DNHD1: variants seen among roughly 807,000 people sequenced by gnomAD.
DNHD1 encodes the protein dynein heavy chain domain 1, also known as dynein heavy chain domain-containing protein 1.
Under a neutral mutation model 458.1 loss-of-function variants are expected in DNHD1, and 383 were observed. That is an observed-to-expected ratio of 0.84 (90% CI 0.77 to 0.91). The LOEUF (loss-of-function observed/expected upper bound fraction) is 0.91. Ranked by LOEUF, DNHD1 falls within the 40% of genes least tolerant of loss-of-function variation. DNHD1 has a pLI of 0.00. For missense variants in DNHD1, 5,336 were observed against 5,866.1 expected (o/e 0.91, Z 2.95); for synonymous variants, 2,203 against 2,376.9 (o/e 0.93, Z 2.13).
At chr11:6,569,279 C>T (rs528838377) in intron 39 of DNHD1, among the ~76,000 whole-genome samples, 11 of 152,104 alleles carry the variant, frequency 7.2e-5, no homozygotes, top group African/African-American at 2.7e-4. Flanking sequence ...GTCAGGAGAT[C>T]GTGACCATCC....
Position 6,566,259 on chromosome 11 carries a change from C to G in DNHD1, c.11072C>G (p.Thr3691Ser). 1 of 1,551,664 alleles carries G rather than the reference C, an allele frequency of 6.4e-7. No individual in the cohort carries two copies. Among genetic ancestry groups the G allele is most frequent in the East Asian group, 2.4e-5 (1 of 40,904 alleles). Residue 3691 changes from threonine (T) to serine (S), a missense_variant, in exon 34 of 43, where the codon ACC becomes AGC. Physicochemically the swap from Thr to Ser is moderately conservative, Grantham distance 58 (BLOSUM62 1). Transcript: ENST00000254579. Reference sequence around the variant, plus strand: ...CTCACAGGCCTGCCTGTGTTACTGACCAATGTGGAGCTGGGTCTAGGGTGC... The same window carrying G: ...CTCACAGGCCTGCCTGTGTTACTGAGCAATGTGGAGCTGGGTCTAGGGTGC... The part of the protein sequence containing the change: ...AAACGLPVLL[T>S]NVELGLGCEE...
At position 6,558,573 on chromosome 11, in the gene DNHD1, C is replaced by T. The variant is rs1290456096; in HGVS notation, c.9091C>T (p.Leu3031=). The T allele has an allele frequency of 6.4e-7, 1 of 1,551,650 alleles. No individual in the cohort carries two copies. The highest frequency in any genetic ancestry group is 1.4e-5 in the African/African-American group (1 of 73,058). ...AHKQLPSTLF[L]RLLQLATASI... is the part of the protein sequence containing the mutation. ...CAAGCAGCTGCCCTCCACCCTTTTC[C>T]TGAGGCTCCTTCAACTGGCCACTGC... Residue 3031 remains leucine (L), a synonymous_variant, in exon 26 of 43, where the codon CTG becomes TTG. Coordinates refer to ENST00000254579, the MANE Select transcript of DNHD1 (RefSeq NM_144666.3).
Position 6,519,948 on chromosome 11 carries a change from G to T in DNHD1, c.1648-17G>T. The T allele has an allele frequency of 6.2e-7, 1 of 1,614,034 alleles. No individual in the cohort carries two copies. Among genetic ancestry groups the T allele is most frequent in the Non-Finnish European group, 8.5e-7 (1 of 1,179,968 alleles). On this transcript the variant is annotated splice_polypyrimidine_tract_variant and intron_variant, in intron 8 of 42. Transcript: ENST00000254579. ...GACATCTAGCCCCTCGACCTTTCCT[G>T]ACCCTTTTTTTTACAGGCCCCAAGG...
In DNHD1 at chr11:6,528,735, A is replaced by C. The variant is rs776616799; in HGVS notation, c.2051A>C (p.Asp684Ala). The C allele has an allele frequency of 3.9e-6, 6 of 1,551,752 alleles. No individual in the cohort carries two copies. The South Asian group carries it at 4.8e-5, about 12-fold the overall frequency. Residue 684 changes from aspartate (D) to alanine (A), a missense_variant, in exon 11 of 43, where the codon GAC (aspartate) becomes GCC (alanine). Asp to Ala is a moderately radical substitution (Grantham distance 126). Coordinates refer to ENST00000254579, the MANE Select transcript of DNHD1 (RefSeq NM_144666.3). The part of the protein sequence containing the change: ...HNYKQLEEDL[D>A]NNPKIQQALN... ...TATAAGCAGCTGGAGGAAGACCTGG[A>C]CAACAACCCTAAGATCCAGCAGGCA...
Position 6,509,200 on chromosome 11 carries a change from T to G in DNHD1, c.1163T>G (p.Leu388Arg), listed in dbSNP as rs1291189610. 1.2e-6 allele frequency: 2 copies of G among 1,614,092 alleles called. No individual in the cohort carries two copies. The highest frequency in any genetic ancestry group is 1.7e-6 in the Non-Finnish European group (2 of 1,180,038). Residue 388 changes from leucine to arginine, a missense_variant, in exon 6 of 43, where the codon CTC (leucine) becomes CGC (arginine). Around this residue, in one of 4 missense-constraint regions of DNHD1, gnomAD observed 3,932 missense variants for 4,365.6 expected, o/e 0.90. Transcript: ENST00000254579. ...KNVRLQGLHR[L>R]QKFLENHLLL... Reference sequence around the variant, plus strand: ...GTGAGATTACAGGGGCTGCATCGACTCCAGAAATTCCTAGAGAATCATCTG... The same window carrying G: ...GTGAGATTACAGGGGCTGCATCGACGCCAGAAATTCCTAGAGAATCATCTG...
Position 6,566,927 on chromosome 11 carries a change from T to C in DNHD1, c.11418T>C (p.Asn3806=). 6.2e-7 allele frequency: 1 copy of C among 1,613,356 alleles called. No individual in the cohort carries two copies. The highest frequency in any genetic ancestry group is 1.7e-5 in the Admixed American group (1 of 59,936). ...TGCTGACGATGCTGCTGTTCCAGAATCCGAAGCGTCAGAAGCCAGCCAAGT... is the reference window on the plus strand; with the variant it reads ...TGCTGACGATGCTGCTGTTCCAGAACCCGAAGCGTCAGAAGCCAGCCAAGT... ...ERLLTMLLFQ[N]PKRQKPAKFL... The change falls in exon 36 of 43, where the codon AAT becomes AAC. Residue 3806 remains asparagine, a synonymous_variant. Coordinates refer to ENST00000254579, the MANE Select transcript of DNHD1 (RefSeq NM_144666.3).
rs1302722446 is a variant in DNHD1 at position 6,563,509 on chromosome 11, A to G, written c.9797A>G (p.His3266Arg). 4.5e-6 allele frequency: 7 copies of G among 1,551,732 alleles called. No individual in the cohort carries two copies. Among genetic ancestry groups the G allele is most frequent in the Non-Finnish European group, 6.1e-6 (7 of 1,146,990 alleles). ...VTDAMCDLFHHETGWASAKQL... is the reference protein window; with the variant it reads ...VTDAMCDLFHRETGWASAKQL... ...GATGCAATGTGTGACTTGTTCCACC[A>G]TGAAACAGGCTGGGCCAGTGCCAAA... Residue 3266 changes from histidine to arginine, a missense_variant, in exon 30 of 43, where the codon CAT (histidine) becomes CGT (arginine). This residue lies in a region of DNHD1 where 3,932 missense variants were observed against 4,365.6 expected (regional missense o/e 0.90). Coordinates refer to ENST00000254579, the MANE Select transcript of DNHD1 (RefSeq NM_144666.3).
chr11:6,500,153 C>T (rs543784031), intron 3 of DNHD1, among the ~76,000 whole-genome samples: 4 of 151,968 alleles, frequency 2.6e-5, no homozygotes, highest in Non-Finnish European at 5.9e-5. Context: ...TCAGTAGAGA[C>T]AGTGTTTCGC....
chr11:6,547,662 C>T lies in DNHD1; in HGVS notation c.6723C>T (p.Gly2241=). ...HLRLKEEKAP[G]PEDLSYSDPV... The stretch of plus-strand genomic sequence containing the variant: ...GCCTAAAGGAGGAGAAGGCCCCTGG[C>T]CCAGGTGGGAAGATGGACGGGCTGG... The change falls in exon 21 of 43, where the codon GGC becomes GGT. Residue 2241 remains glycine, a synonymous_variant. Coordinates refer to ENST00000254579, the MANE Select transcript of DNHD1 (RefSeq NM_144666.3). The T allele has an allele frequency of 1.3e-6, 2 of 1,519,576 alleles. No individual in the cohort carries two copies. The highest frequency in any genetic ancestry group is 2.5e-5 in the East Asian group (1 of 40,454). The allele number at this position is 1,519,576 out of a possible 1,614,324, so 94.1% of individuals were successfully genotyped here.
In DNHD1 at chr11:6,544,905, C is replaced by G. The variant is rs1853173849; in HGVS notation, c.3966C>G (p.Phe1322Leu). Residue 1322 changes from phenylalanine (F) to leucine (L), a missense_variant, in exon 21 of 43, where the codon TTC becomes TTG. Transcript: ENST00000254579. ...CCAGTGCCGAGAGGAGCCCTTACTTCCAAGGCCAGCAGCTGCAACAACTGC... is the reference window on the plus strand; with the variant it reads ...CCAGTGCCGAGAGGAGCCCTTACTTGCAAGGCCAGCAGCTGCAACAACTGC... ...VVPSAERSPYFQGQQLQQLLQ... is the reference protein window; with the variant it reads ...VVPSAERSPYLQGQQLQQLLQ... The G allele has an allele frequency of 1.3e-6, 2 of 1,551,598 alleles. No homozygotes were observed. Among genetic ancestry groups the G allele is most frequent in the Admixed American group, 2.0e-5 (1 of 50,982 alleles).
At position 6,520,028 on chromosome 11, in the gene DNHD1, C is replaced by T. The variant is rs189469214; in HGVS notation, c.1711C>T (p.His571Tyr). Residue 571 changes from histidine to tyrosine, a missense_variant, in exon 9 of 43, where the codon CAT becomes TAT. Physicochemically the swap from His to Tyr is moderately conservative, Grantham distance 83 (BLOSUM62 2). Coordinates refer to ENST00000254579, the MANE Select transcript of DNHD1 (RefSeq NM_144666.3). ...LVFDDHGQLS[H>Y]VPCVENMIQT... Reference sequence around the variant, plus strand: ...CTTTGATGATCATGGTCAACTGTCTCATGTGCCCTGTGTTGAAAATATGAT... The same window carrying T: ...CTTTGATGATCATGGTCAACTGTCTTATGTGCCCTGTGTTGAAAATATGAT... The T allele has an allele frequency of 8.4e-5, 135 of 1,614,226 alleles. No individual in the cohort carries two copies. Among genetic ancestry groups the T allele is most frequent in the African/African-American group, 2.8e-4 (21 of 75,062 alleles).
chr11:6,566,331 A>G lies in DNHD1; in HGVS notation c.11144A>G (p.Gln3715Arg). 1 of 1,553,740 alleles carries G rather than the reference A, an allele frequency of 6.4e-7. No homozygotes were observed. Among genetic ancestry groups the G allele is most frequent in the African/African-American group, 1.4e-5 (1 of 73,218 alleles). ...LLQREQLSPP[Q>R]VQPGFCLYLS... ...CAACGGGAGCAGCTGAGTCCACCCCAGGTGCAGCCTGGCTTCTGTCTGTAT... is the reference window on the plus strand; with the variant it reads ...CAACGGGAGCAGCTGAGTCCACCCCGGGTGCAGCCTGGCTTCTGTCTGTAT... Residue 3715 changes from glutamine to arginine, a missense_variant, in exon 34 of 43, where the codon CAG becomes CGG. Gln to Arg is a conservative substitution (Grantham distance 43, BLOSUM62 1). This residue lies in a region of DNHD1 where 695 missense variants were observed against 804.2 expected (regional missense o/e 0.86). Transcript: ENST00000254579.
rs887887335 is a variant in DNHD1 at position 6,566,941 on chromosome 11, A to T, written c.11432A>T (p.Lys3811Met). ...CTGTTCCAGAATCCGAAGCGTCAGA[A>T]GCCAGCCAAGTTTCTGCGGAACATA... Reference protein sequence around the residue: ...MLLFQNPKRQKPAKFLRNIVR... With the variant: ...MLLFQNPKRQMPAKFLRNIVR... Residue 3811 changes from lysine (K) to methionine (M), a missense_variant, in exon 36 of 43, where the codon AAG becomes ATG. Lys to Met is a moderately conservative substitution (Grantham distance 95, BLOSUM62 -1). Transcript: ENST00000254579. The T allele has an allele frequency of 9.9e-6, 16 of 1,613,904 alleles. No homozygotes were observed. Among genetic ancestry groups the T allele is most frequent in the Non-Finnish European group, 1.4e-5 (16 of 1,179,842 alleles).
rs1852163751 is a variant in DNHD1, at chr11:6,502,774, T to G, written c.768T>G (p.Val256=). The change falls in exon 4 of 43, where the codon GTT becomes GTG. Residue 256 remains valine (V), a synonymous_variant. Transcript: ENST00000254579. The stretch of plus-strand genomic sequence containing the variant: ...ACAGGTCTCAGCTTGACTATGAAGT[T>G]CCCAGGGAAAAGGCCTTCCAAAAGA... ...KETRSQLDYE[V]PREKAFQKSS... 6.2e-7 allele frequency: 1 copy of G among 1,602,492 alleles called. No homozygotes were observed. Among genetic ancestry groups the G allele is most frequent in the East Asian group, 2.3e-5 (1 of 44,410 alleles).
Position 6,539,260 on chromosome 11 carries a change from C to T in DNHD1, c.3367C>T (p.Leu1123=). The change falls in exon 17 of 43, where the codon CTG becomes TTG. Residue 1123 remains leucine, a synonymous_variant. Transcript: ENST00000254579. ...TCTCCAAACTATAGAACTCCTAACG[C>T]TGGGCCAGCTGCTTACTTATCCACT... ...GSLQTIELLT[L]GQLLTYPLLE... The T allele has an allele frequency of 1.3e-6, 2 of 1,551,678 alleles. No individual in the cohort carries two copies. The highest frequency in any genetic ancestry group is 1.7e-6 in the Non-Finnish European group (2 of 1,146,984).
chr11:6,548,821 G>A lies in DNHD1; in HGVS notation c.7275G>A (p.Leu2425=), dbSNP rs1459781058. The A allele has an allele frequency of 3.9e-6, 6 of 1,551,668 alleles. 1 individual carries two copies. The Middle Eastern group carries it at 1.0e-3, about 259-fold the overall frequency. ...TCAGTTCCTCCCACCTCCGTCTCCTGCTGAGCAGAGGAATCCAGGGCCAAA... is the reference window on the plus strand; with the variant it reads ...TCAGTTCCTCCCACCTCCGTCTCCTACTGAGCAGAGGAATCCAGGGCCAAA... ...PAFSSSHLRL[L]LSRGIQGQTQ... Residue 2425 remains leucine, a synonymous_variant, in exon 24 of 43, where the codon CTG becomes CTA. Coordinates refer to ENST00000254579, the MANE Select transcript of DNHD1 (RefSeq NM_144666.3). This position sits in a 1 kb window ranked among gnomAD's most constrained non-coding sequence, Gnocchi z 4.4.
chr11:6,498,047 C>A lies in DNHD1; in HGVS notation c.-169C>A. On this transcript the variant is annotated 5_prime_UTR_variant, in exon 3 of 43. Coordinates refer to ENST00000254579, the MANE Select transcript of DNHD1 (RefSeq NM_144666.3). ...GTCCCAGGTCCTTTCTTCCTCCTAA[C>A]CCCATTGACTCTGACCATCCCCTGC... is the stretch of plus-strand genomic sequence containing the variant. 1 of 870,596 alleles carries A rather than the reference C, an allele frequency of 1.1e-6. No homozygotes were observed. The highest frequency in any genetic ancestry group is 1.8e-6 in the Non-Finnish European group (1 of 553,204). The allele number at this position is 870,596 out of a possible 1,614,324, so 53.9% of individuals were successfully genotyped here.
Position 6,498,220 on chromosome 11 carries a change from T to C in DNHD1, c.5T>C (p.Val2Ala). 1.2e-6 allele frequency: 2 copies of C among 1,610,696 alleles called. No homozygotes were observed. Among genetic ancestry groups the C allele is most frequent in the Non-Finnish European group, 1.7e-6 (2 of 1,177,632 alleles). ...CAGTTGAATGCCCAGCTCCTCATGGTCCCGGAGGAGAGGAGGGTAGGTTTG... is the reference window on the plus strand; with the variant it reads ...CAGTTGAATGCCCAGCTCCTCATGGCCCCGGAGGAGAGGAGGGTAGGTTTG... M[V>A]PEERRVGLSS... Residue 2 changes from valine to alanine, a missense_variant, in exon 3 of 43, where the codon GTC becomes GCC. By Grantham distance (64) the Val-to-Ala change is moderately conservative. Around this residue, in one of 4 missense-constraint regions of DNHD1, gnomAD observed 3,932 missense variants for 4,365.6 expected, o/e 0.90. Transcript: ENST00000254579.
Position 6,511,311 on chromosome 11 carries a change from A to G in DNHD1, c.1274A>G (p.Gln425Arg), listed in dbSNP as rs1290086523. The G allele has an allele frequency of 6.2e-7, 1 of 1,614,246 alleles. No individual in the cohort carries two copies. The change falls in exon 7 of 43, where the codon CAG (glutamine) becomes CGG (arginine). Residue 425 changes from glutamine to arginine, a missense_variant. By Grantham distance (43) the Gln-to-Arg change is conservative. Transcript: ENST00000254579. ...QELHSVSWLPQELDRCYELLD... is the reference protein window; with the variant it reads ...QELHSVSWLPRELDRCYELLD... ...CTACACTCTGTGTCCTGGCTACCCC[A>G]GGAACTGGATCGGTGCTATGAGCTG...
Sources: gnomAD v4.1 joint callset for allele counts (sites outside exome capture counted in the v4.1 genomes callset) on GRCh38, gnomAD v4.1.1 for gene constraint, gnomAD v4.1.1 regional missense constraint, Gnocchi (gnomAD v3.1) non-coding constraint, MANE v1.5 for transcripts, NCBI Gene and HGNC (gene_info 2026-07-23, HGNC 2026-07-21) for gene names.